FLT1: variants seen among roughly 807,000 people sequenced by gnomAD.
FLT1 encodes the protein vascular endothelial growth factor receptor 1.
A neutral mutation model predicts 156.3 loss-of-function variants in FLT1; 49 were observed. That is an observed-to-expected ratio of 0.31 (90% CI 0.25 to 0.40). The LOEUF is 0.40. Ranked by LOEUF, FLT1 falls within the 10% of genes least tolerant of loss-of-function variation. The pLI, the probability that FLT1 is intolerant of heterozygous loss-of-function variation, is 1.00. For missense variants in FLT1, 1,322 were observed against 1,637.2 expected (o/e 0.81, Z 3.32); for synonymous variants, 594 against 583.8 (o/e 1.02, Z -0.25).
intron 3 of FLT1, among the ~76,000 whole-genome samples, chr13:28,452,835 G>A (rs1451661281): frequency 1.3e-5 from 2 of 151,638 alleles, no homozygotes; most frequent in Non-Finnish European, 2.9e-5. Flanking sequence ...ACAACCCTAT[G>A]AGGCAGGCAC....
At chr13:28,436,410 T>C (rs1284458321) in intron 4 of FLT1, among the ~76,000 whole-genome samples, 1 of 152,216 alleles carries the variant, frequency 6.6e-6, no homozygotes, top group Non-Finnish European at 1.5e-5. Context: ...TTAGAATATT[T>C]CCAGTATATA....
In FLT1 at chr13:28,390,121, A is replaced by G; in HGVS notation, c.1661-17T>C. ...TTGGCACATCTATAAAATAAGAATA[A>G]AGAACTTCAGTTCACAGAAAAATCA... On this transcript the variant is annotated splice_polypyrimidine_tract_variant and intron_variant, in intron 12 of 29. Transcript: ENST00000282397. 6.2e-7 allele frequency: 1 copy of G among 1,609,618 alleles called. No individual in the cohort carries two copies. The highest frequency in any genetic ancestry group is 8.5e-7 in the Non-Finnish European group (1 of 1,176,234).
At chr13:28,403,636 GA>G (rs1875600657) in intron 11 of FLT1, among the ~76,000 whole-genome samples, 1 of 152,178 alleles carries the variant, frequency 6.6e-6, no homozygotes, top group South Asian at 2.1e-4. Context: ...ACATGGTCAG[GA>G]AAAAGCAAAA....
intron 13 of FLT1, 64 bp downstream of exon 13, chr13:28,389,732 T>A: frequency 6.2e-7 from 1 of 1,613,334 alleles, no homozygotes; most frequent in Middle Eastern, 1.7e-4. Flanking sequence ...TGTGGTACAA[T>A]CATTCCTTGT....
At chr13:28,347,367 A>G (rs1400243927) in intron 15 of FLT1, among the ~76,000 whole-genome samples, 1 of 143,172 alleles carries the variant, frequency 7.0e-6, no homozygotes, top group Non-Finnish European at 1.5e-5. Context: ...TACTAAAAAT[A>G]CAAAAAAAAA....
chr13:28,309,308 G>A (rs552850608), intron 27 of FLT1, among the ~76,000 whole-genome samples: 1 of 152,292 alleles, frequency 6.6e-6, no homozygotes, highest in Admixed American at 6.5e-5. Flanking sequence ...AAGGATGTGA[G>A]GTGGCAAAGT....
intron 15 of FLT1, among the ~76,000 whole-genome samples, chr13:28,351,576 G>GT (rs1484228807): frequency 1.3e-5 from 2 of 152,150 alleles, no homozygotes; most frequent in African/African-American, 4.8e-5. Flanking sequence ...TGTCGATGAA[G>GT]TTTTTTAGGA....
At chr13:28,462,547 G>C (rs1461105320) in intron 3 of FLT1, among the ~76,000 whole-genome samples, 1 of 152,136 alleles carries the variant, frequency 6.6e-6, no homozygotes, top group Non-Finnish European at 1.5e-5. Context: ...TTTTAACAAA[G>C]CAATTTTTAC....
At chr13:28,467,183 GCA>G in intron 2 of FLT1, 54 bp from the exon 3 acceptor site, 1 of 1,311,636 alleles carries the variant, frequency 7.6e-7, no homozygotes, top group Non-Finnish European at 1.1e-6. Flanking sequence ...CCTAGGCTCA[GCA>G]CCAGTTCCTC....
At chr13:28,433,093 G>A (rs575167666) in intron 6 of FLT1, among the ~76,000 whole-genome samples, 2 of 152,286 alleles carry the variant, frequency 1.3e-5, no homozygotes, top group South Asian at 4.1e-4. Context: ...TGGGCAATCT[G>A]AACGACATAA....
At chr13:28,476,300 G>A (rs2137645222) in intron 1 of FLT1, among the ~76,000 whole-genome samples, 1 of 152,268 alleles carries the variant, frequency 6.6e-6, no homozygotes, top group Non-Finnish European at 1.5e-5. Context: ...GCTCTTTCTA[G>A]GCGGGGATTT....
intron 1 of FLT1, among the ~76,000 whole-genome samples, chr13:28,473,733 G>GAAAGAAA (rs1566050307): frequency 8.6e-4 from 41 of 47,884 alleles, no homozygotes; most frequent in Middle Eastern, 7.7e-3. Context: ...AAAGAAAGAA[G>GAAAGAAA]GAAGGAAGGA....
In FLT1 at chr13:28,397,194, G is replaced by A. The variant is rs1277617849; in HGVS notation, c.1552-126C>T. The A allele has an allele frequency of 1.0e-5, 7 of 682,986 alleles. No homozygotes were observed. In the East Asian group the frequency reaches 1.9e-4, roughly 18 times the overall value. The allele number at this position is 682,986 out of a possible 1,614,324, so 42.3% of individuals were successfully genotyped here. On this transcript the variant is annotated intron_variant, in intron 11 of 29. Transcript: ENST00000282397. Reference sequence around the variant, plus strand: ...TCTGCAAAGAGAGTATTGCATAGGTGGTGGTTACCAGAAGGCTCTCCCCTT... The same window carrying A: ...TCTGCAAAGAGAGTATTGCATAGGTAGTGGTTACCAGAAGGCTCTCCCCTT...
At position 28,304,127 on chromosome 13, in the gene FLT1, G is replaced by C. The variant is rs552787919; in HGVS notation, c.3816-759C>G. On this transcript the variant is annotated intron_variant, in intron 29 of 29. Transcript: ENST00000282397. ...TTGTTTTAGACCGGTCTGGACTAACGTGTCCATGTTCTATATTTTCAGTCT... is the reference window on the plus strand; with the variant it reads ...TTGTTTTAGACCGGTCTGGACTAACCTGTCCATGTTCTATATTTTCAGTCT... Among the ~76,000 whole-genome samples the C allele has an allele frequency of 2.6e-5, 4 of 152,240 alleles. No homozygotes were observed. In the East Asian group the frequency reaches 7.7e-4, roughly 29 times the overall value.
intron 17 of FLT1, among the ~76,000 whole-genome samples, chr13:28,335,445 T>A (rs932699865): frequency 2.0e-5 from 3 of 152,186 alleles, no homozygotes; most frequent in South Asian, 2.1e-4. Flanking sequence ...AGGGCATTTT[T>A]AAAAAATTTT....
At chr13:28,403,244 A>C (rs1235303231) in intron 11 of FLT1, among the ~76,000 whole-genome samples, 1 of 152,070 alleles carries the variant, frequency 6.6e-6, no homozygotes, top group African/African-American at 2.4e-5. Context: ...TCGTAGTTTG[A>C]CTCCAGGGCT....
At chr13:28,349,118 C>T (rs1192069032) in intron 15 of FLT1, among the ~76,000 whole-genome samples, 1 of 152,110 alleles carries the variant, frequency 6.6e-6, no homozygotes, top group African/African-American at 2.4e-5. Context: ...AGCAGCAGAA[C>T]GTAGGGCTAT....
intron 13 of FLT1, chr13:28,385,770 A>G (rs1221179823): frequency 1.5e-5 from 15 of 1,015,168 alleles, no homozygotes; most frequent in Non-Finnish European, 1.8e-5. Context: ...GTACAACAAA[A>G]TGAATTCAAT....
chr13:28,384,448 CAAAA>C (rs79860949), intron 14 of FLT1, among the ~76,000 whole-genome samples: 1 of 60,278 alleles, frequency 1.7e-5, no homozygotes, highest in African/African-American at 5.5e-5. Flanking sequence ...GACTCCATCT[CAAAA>C]AAAAAAAAAA....
Sources: allele counts gnomAD v4.1 joint callset (sites outside exome capture counted in the v4.1 genomes callset), GRCh38; gene constraint gnomAD v4.1.1; transcripts MANE v1.5; gene names NCBI Gene and HGNC (gene_info 2026-07-23, HGNC 2026-07-21).